PKIB: variants seen among roughly 807,000 people sequenced by gnomAD.
PKIB encodes PKI-beta.
Under a neutral mutation model 4.5 loss-of-function variants are expected in PKIB, and 2 were observed. The ratio of observed to expected loss-of-function variants is 0.44; its 90% CI spans 0.18 to 1.39. The LOEUF (loss-of-function observed/expected upper bound fraction) is 1.39, where lower values mean the gene tolerates loss of function less well. Among genes scored for constraint, PKIB ranks in the 40% most tolerant of loss-of-function variants. The probability of loss-of-function intolerance (pLI) is 0.27; values close to 1 mark genes in which losing one functional copy is unlikely to be tolerated. For synonymous variants in PKIB, 38 were observed against 36.0 expected (o/e 1.06, Z -0.20); for missense variants, 94 against 92.6 (o/e 1.02, Z -0.06).
chr6:122,540,480 G>A (rs1421948341), intron 2 of PKIB, among the ~76,000 whole-genome samples: 1 of 152,024 alleles, frequency 6.6e-6, no homozygotes, highest in Non-Finnish European at 1.5e-5. Flanking sequence ...TTTCCATGTA[G>A]TTGAGTGGTT....
At chr6:122,498,237 G>T (rs1292803099) in intron 2 of PKIB, among the ~76,000 whole-genome samples, 1 of 152,198 alleles carries the variant, frequency 6.6e-6, no homozygotes, top group Non-Finnish European at 1.5e-5. Context: ...GGTAGAAGGT[G>T]TACAGCACAC....
intron 2 of PKIB, among the ~76,000 whole-genome samples, chr6:122,652,193 C>T (rs1776579850): frequency 6.6e-6 from 1 of 151,884 alleles, no homozygotes; most frequent in South Asian, 2.1e-4. Context: ...ACCAGAAAAA[C>T]AGAAATTGCT....
intron 2 of PKIB, among the ~76,000 whole-genome samples, chr6:122,502,088 G>T (rs1425444228): frequency 6.6e-6 from 1 of 151,672 alleles, no homozygotes; most frequent in Non-Finnish European, 1.5e-5. Context: ...AAGTAGCTGG[G>T]ATTACAGGCC....
chr6:122,574,653 A>C (rs1366157829), intron 2 of PKIB, among the ~76,000 whole-genome samples: 1 of 152,126 alleles, frequency 6.6e-6, no homozygotes, highest in Non-Finnish European at 1.5e-5. Flanking sequence ...AAAAACATAA[A>C]CTGTATATTC....
chr6:122,690,939 T>C (rs867078130), intron 3 of PKIB, among the ~76,000 whole-genome samples: 2 of 149,824 alleles, frequency 1.3e-5, no homozygotes, highest in Non-Finnish European at 3.0e-5. Flanking sequence ...TATATTTTTT[T>C]TTTTTTTTGC....
intron 3 of PKIB, among the ~76,000 whole-genome samples, chr6:122,682,953 AT>A (rs1777958230): frequency 6.6e-6 from 1 of 152,212 alleles, no homozygotes. Context: ...ACTAGAGTTC[AT>A]TGGTTGGGCC....
At chr6:122,534,067 T>C (rs184979821) in intron 2 of PKIB, among the ~76,000 whole-genome samples, 6 of 151,388 alleles carry the variant, frequency 4.0e-5, no homozygotes, top group Admixed American at 4.0e-4. Context: ...TCTCAGATAA[T>C]CTATTTTTTA....
At chr6:122,613,877 C>T (rs537823141) in intron 1 of PKIB, among the ~76,000 whole-genome samples, 45 of 147,566 alleles carry the variant, frequency 3.0e-4, no homozygotes, top group Non-Finnish European at 6.1e-4. Flanking sequence ...GTAGGAGTAT[C>T]GCTTGAACCC....
intron 4 of PKIB, among the ~76,000 whole-genome samples, chr6:122,719,535 G>A (rs745526290): frequency 6.6e-6 from 1 of 152,162 alleles, no homozygotes; most frequent in Non-Finnish European, 1.5e-5. Flanking sequence ...GAATCAGAGA[G>A]TAGAATGGTA....
chr6:122,597,886 A>C (rs560590098), intron 3 of PKIB, among the ~76,000 whole-genome samples: 1 of 152,242 alleles, frequency 6.6e-6, no homozygotes, highest in African/African-American at 2.4e-5. Flanking sequence ...AACTCCATTA[A>C]TTACCTGACC....
intron 2 of PKIB, chr6:122,652,736 CG>C (rs1776609385): frequency 6.6e-6 from 1 of 152,098 alleles, no homozygotes; most frequent in African/African-American, 2.4e-5. Flanking sequence ...GCTAATTATC[CG>C]CACAGGCTCT....
chr6:122,660,234 G>T (rs1282192380), intron 2 of PKIB, among the ~76,000 whole-genome samples: 1 of 152,168 alleles, frequency 6.6e-6, no homozygotes, highest in African/African-American at 2.4e-5. Flanking sequence ...ATATGGTCAA[G>T]AGTAAAGAAG....
chr6:122,504,340 A>G (rs1437836888), intron 2 of PKIB, among the ~76,000 whole-genome samples: 2 of 152,204 alleles, frequency 1.3e-5, no homozygotes, highest in Non-Finnish European at 2.9e-5. Context: ...TCATTTAACT[A>G]TAAATTTCAC....
intron 2 of PKIB, among the ~76,000 whole-genome samples, chr6:122,498,994 T>A (rs952882649): frequency 6.6e-6 from 1 of 151,932 alleles, no homozygotes; most frequent in Non-Finnish European, 1.5e-5. Flanking sequence ...AAACACACAA[T>A]CTCCCAAGAC....
chr6:122,499,208 A>T (rs1582659526), intron 2 of PKIB, among the ~76,000 whole-genome samples: 1 of 152,214 alleles, frequency 6.6e-6, no homozygotes, highest in African/African-American at 2.4e-5. Context: ...TCTCTAACAC[A>T]TTGTACAAAG....
chr6:122,491,903 T>C (rs1234131551), intron 2 of PKIB, among the ~76,000 whole-genome samples: 1 of 152,216 alleles, frequency 6.6e-6, no homozygotes, highest in Non-Finnish European at 1.5e-5. Context: ...ATAAATATGT[T>C]GTTTTTACAG....
At position 122,492,836 on chromosome 6, in the gene PKIB, A is replaced by G. The variant is rs535266311; in HGVS notation, c.-248+14897A>G. 4.0e-5 allele frequency among the ~76,000 whole-genome samples: 6 copies of G among 151,452 alleles called. No homozygotes were observed. The South Asian group carries it at 1.2e-3, about 32-fold the overall frequency. On this transcript the variant is annotated intron_variant, in intron 2 of 6. Transcript: ENST00000392491. ...GGAAGCTTTGGTTTCCTTTTAACCC[A>G]ATAATTATTTAAGACATGTTTTCCA...
upstream of PKIB, among the ~76,000 whole-genome samples, chr6:122,610,002 C>T (rs1244451415): frequency 6.6e-6 from 1 of 152,150 alleles, no homozygotes; most frequent in East Asian, 1.9e-4. Flanking sequence ...ACAAACCCTG[C>T]TCAGGGCGCG....
intron 2 of PKIB, among the ~76,000 whole-genome samples, chr6:122,496,893 T>C (rs1024543822): frequency 6.6e-6 from 1 of 152,188 alleles, no homozygotes; most frequent in Non-Finnish European, 1.5e-5. Context: ...CCAGATACTA[T>C]ACAAAATGAA....
Sources: gnomAD v4.1 joint callset for allele counts (sites outside exome capture counted in the v4.1 genomes callset) on GRCh38, gnomAD v4.1.1 for gene constraint, MANE v1.5 for transcripts, NCBI Gene and HGNC (gene_info 2026-07-23, HGNC 2026-07-21) for gene names.